The following ARK2C variants were observed in gnomAD, a reference collection of about 807,000 sequenced individuals.
ARK2C encodes arkadia (RNF111) C-terminal like ring finger ubiquitin ligase 2C.
At chr18:46,461,858 A>C in the ARK2C span, 2 of 152,230 alleles carry the variant, frequency 1.3e-5, no homozygotes, top group East Asian at 3.9e-4. Context: ...GTGCCCTTTC[A>C]TAAGGCTTGG....
the ARK2C span, among the ~76,000 whole-genome samples, chr18:46,368,538 C>T: frequency 6.6e-6 from 1 of 152,252 alleles, no homozygotes; most frequent in African/African-American, 2.4e-5. Context: ...TTGTTCCCAG[C>T]TCCACTGGTC....
At chr18:46,427,779 G>A in the ARK2C span, among the ~76,000 whole-genome samples, 1 of 152,220 alleles carries the variant, frequency 6.6e-6, no homozygotes, top group Admixed American at 6.5e-5. Flanking sequence ...AGCCTGGTGG[G>A]GGCGGCCAGT....
chr18:46,411,325 G>A, the ARK2C span, among the ~76,000 whole-genome samples: 1 of 152,308 alleles, frequency 6.6e-6, no homozygotes, highest in African/African-American at 2.4e-5. Context: ...GCTGGAGAAA[G>A]GAAAGAGATT....
the ARK2C span, among the ~76,000 whole-genome samples, chr18:46,341,831 T>G: frequency 6.6e-6 from 1 of 152,194 alleles, no homozygotes; most frequent in Non-Finnish European, 1.5e-5. Context: ...AAATCTGAGT[T>G]GGAACAAGTT....
At chr18:46,336,285 A>G in the ARK2C span, 1 of 985,362 alleles carries the variant, frequency 1.0e-6, no homozygotes, top group Non-Finnish European at 1.2e-6. Context: ...CAATCTCTAA[A>G]TACCATTGCA....
At chr18:46,425,515 G>T in the ARK2C span, among the ~76,000 whole-genome samples, 1 of 152,308 alleles carries the variant, frequency 6.6e-6, no homozygotes, top group Admixed American at 6.5e-5. Flanking sequence ...CTCAGCCCTG[G>T]AGTCTTGAGG....
the ARK2C span, among the ~76,000 whole-genome samples, chr18:46,400,749 T>C: frequency 2.0e-5 from 3 of 152,252 alleles, no homozygotes; most frequent in South Asian, 4.1e-4. Context: ...TAGCCTAAAT[T>C]GTGTCGGCTT....
the ARK2C span, among the ~76,000 whole-genome samples, chr18:46,400,836 A>G: frequency 8.4e-3 from 1,281 of 152,178 alleles, 15 homozygotes; most frequent in African/African-American, 0.029. Context: ...TTGGTCTTCT[A>G]TTAGAATGAA....
chr18:46,334,670 CCGTGTGTGTGTGTGTG>C, the ARK2C span: 1 of 292,962 alleles, frequency 3.4e-6, no homozygotes, highest in African/African-American at 3.2e-5. This position sits in a 1 kb window ranked among gnomAD's most constrained non-coding sequence, Gnocchi z 4.4. Context: ...AGATACATGA[CCGTGTGTGTGTGTGTG>C]TGTGTGTGTG....
At chr18:46,425,626 G>A in the ARK2C span, among the ~76,000 whole-genome samples, 95 of 152,176 alleles carry the variant, frequency 6.2e-4, no homozygotes, top group Non-Finnish European at 1.0e-3. Flanking sequence ...TGCCTTCCAC[G>A]GTCCCTGGCA....
At chr18:46,401,222 A>T in the ARK2C span, among the ~76,000 whole-genome samples, 1 of 151,934 alleles carries the variant, frequency 6.6e-6, no homozygotes, top group Non-Finnish European at 1.5e-5. Flanking sequence ...GGATTTGGGG[A>T]CTGCAGACCC....
the ARK2C span, among the ~76,000 whole-genome samples, chr18:46,429,617 TAC>T: frequency 1.1e-4 from 17 of 152,372 alleles, no homozygotes; most frequent in African/African-American, 4.1e-4. Context: ...TACAGGTAGT[TAC>T]AGTTTCTTAA....
chr18:46,335,953 T>A, the ARK2C span: 1 of 985,496 alleles, frequency 1.0e-6, no homozygotes, highest in African/African-American at 1.7e-5. Flanking sequence ...TTAGCTGTAT[T>A]GTGACACCCT....
At chr18:46,355,461 T>C in the ARK2C span, among the ~76,000 whole-genome samples, 1 of 152,180 alleles carries the variant, frequency 6.6e-6, no homozygotes, top group Non-Finnish European at 1.5e-5. Flanking sequence ...AGATCCTTGC[T>C]GTCTGAAAGC....
At chr18:46,431,467 TC>T in the ARK2C span, among the ~76,000 whole-genome samples, 2 of 152,142 alleles carry the variant, frequency 1.3e-5, no homozygotes, top group African/African-American at 4.8e-5. Flanking sequence ...GCAGAGCTCT[TC>T]CTAGGACCAA....
the ARK2C span, among the ~76,000 whole-genome samples, chr18:46,403,015 T>C: frequency 1.3e-5 from 2 of 149,966 alleles, no homozygotes; most frequent in East Asian, 2.0e-4. Flanking sequence ...TTGAGCTTGT[T>C]GCTCTCAGAA....
chr18:46,336,768 G>A, the ARK2C span: 2 of 985,256 alleles, frequency 2.0e-6, no homozygotes, highest in Non-Finnish European at 2.4e-6. Context: ...TGGCTTAGAG[G>A]CTGCAGCACT....
the ARK2C span, among the ~76,000 whole-genome samples, chr18:46,400,670 C>A: frequency 1.3e-5 from 2 of 152,152 alleles, no homozygotes; most frequent in Admixed American, 1.3e-4. Flanking sequence ...TGTCAGCGTG[C>A]CTCTCAGTGC....
the ARK2C span, among the ~76,000 whole-genome samples, chr18:46,391,722 T>C: frequency 0.023 from 3,543 of 151,758 alleles, 133 homozygotes; most frequent in African/African-American, 0.081. Context: ...GCATCCTCTG[T>C]TCACTCACCC....
Sources: allele counts gnomAD v4.1 joint callset (sites outside exome capture counted in the v4.1 genomes callset), GRCh38; gene constraint gnomAD v4.1.1; non-coding constraint Gnocchi (gnomAD v3.1); transcripts MANE v1.5; gene names NCBI Gene and HGNC (gene_info 2026-07-23, HGNC 2026-07-21).